The following CCDC178 variants were observed in gnomAD, a reference collection of about 807,000 sequenced individuals.
CCDC178 encodes the protein coiled-coil domain containing 178.
Under a neutral mutation model 117.4 loss-of-function variants are expected in CCDC178, and 126 were observed. The ratio of observed to expected loss-of-function variants is 1.07; its 90% CI spans 0.93 to 1.24. The LOEUF is 1.24. Ranked by LOEUF, CCDC178 falls within the 50% of genes most tolerant of loss-of-function variation. CCDC178 has a pLI of 0.00. For synonymous variants in CCDC178, 283 were observed against 313.4 expected, an observed-to-expected ratio of 0.90 and a Z score of 1.02; for missense variants, 1,030 against 986.9, an observed-to-expected ratio of 1.04 and a Z score of -0.59.
At chr18:33,291,249 C>G (rs1256052549) in intron 12 of CCDC178, among the ~76,000 whole-genome samples, 1 of 152,018 alleles carries the variant, frequency 6.6e-6, no homozygotes, top group African/African-American at 2.4e-5. Flanking sequence ...CTACATTAAA[C>G]TGAAACGTCT....
intron 21 of CCDC178, among the ~76,000 whole-genome samples, chr18:32,978,121 T>C (rs946395953): frequency 6.6e-6 from 1 of 151,520 alleles, no homozygotes; most frequent in Non-Finnish European, 1.5e-5. Flanking sequence ...CTTGAATTTA[T>C]CCATATTCAC....
At chr18:33,323,869 A>G (rs2145011585) in intron 10 of CCDC178, among the ~76,000 whole-genome samples, 1 of 151,886 alleles carries the variant, frequency 6.6e-6, no homozygotes, top group Non-Finnish European at 1.5e-5. Flanking sequence ...CCAAAATGAA[A>G]TCATTATCTC....
At chr18:32,954,932 T>C (rs370679416) in intron 22 of CCDC178, among the ~76,000 whole-genome samples, 5 of 151,974 alleles carry the variant, frequency 3.3e-5, no homozygotes, top group Non-Finnish European at 5.9e-5. Context: ...AAAAAAAAAG[T>C]CTTGTCACTC....
chr18:33,250,690 A>G (rs1229955575), intron 14 of CCDC178, among the ~76,000 whole-genome samples: 1 of 151,722 alleles, frequency 6.6e-6, no homozygotes, highest in East Asian at 1.9e-4. Flanking sequence ...TCAGACTCCT[A>G]TCGGAACATC....
intron 5 of CCDC178, among the ~76,000 whole-genome samples, chr18:33,379,261 G>T (rs569937146): frequency 1.6e-4 from 24 of 147,396 alleles, no homozygotes; most frequent in Middle Eastern, 3.3e-3. Flanking sequence ...CTAGGAGTGT[G>T]ATTGTAGAGA....
chr18:33,411,165 T>A (rs559740306), intron 3 of CCDC178, among the ~76,000 whole-genome samples: 7 of 152,248 alleles, frequency 4.6e-5, no homozygotes, highest in African/African-American at 1.7e-4. Flanking sequence ...GCACCTGCAT[T>A]TTTATGGTTG....
In CCDC178 at chr18:33,226,856, CTA is replaced by C; in HGVS notation, c.1594-3_1594-2del. 1 of 1,541,424 alleles carries C rather than the reference CTA, an allele frequency of 6.5e-7. No homozygotes were observed. The highest frequency in any genetic ancestry group is 8.8e-7 in the Non-Finnish European group (1 of 1,139,426). ...GTTTTTTCAGGAATTCTTCTCTACC[CTA>C]TATGTTAGGAAATTTTTAAAATGAG... On this transcript the variant is annotated splice_acceptor_variant and splice_polypyrimidine_tract_variant and intron_variant, in intron 15 of 22. Transcript: ENST00000383096. LOFTEE classifies it high-confidence loss of function.
At chr18:33,226,879 A>G (rs753783178) in intron 15 of CCDC178, 24 bp from the exon 16 acceptor site, 12 of 1,371,890 alleles carry the variant, frequency 8.7e-6, no homozygotes, top group South Asian at 1.4e-5. Flanking sequence ...AATTTTTAAA[A>G]TGAGGATTTT....
chr18:33,130,608 C>T (rs1441191631), intron 20 of CCDC178, among the ~76,000 whole-genome samples: 1 of 151,880 alleles, frequency 6.6e-6, no homozygotes, highest in African/African-American at 2.4e-5. Context: ...GCAGTGCTGC[C>T]CCAGGGGGCA....
intron 22 of CCDC178, among the ~76,000 whole-genome samples, chr18:32,956,452 A>G (rs1161991354): frequency 6.6e-6 from 1 of 152,204 alleles, no homozygotes; most frequent in African/African-American, 2.4e-5. Context: ...TAAGTTAAAA[A>G]CATACGAAAT....
intron 22 of CCDC178, among the ~76,000 whole-genome samples, chr18:32,973,699 G>T (rs1294808743): frequency 5.9e-5 from 9 of 152,060 alleles, no homozygotes; most frequent in Non-Finnish European, 1.3e-4. Context: ...AAAGTAATAT[G>T]AAGTGCGTGT....
intron 22 of CCDC178, among the ~76,000 whole-genome samples, chr18:32,969,605 T>C (rs1363934592): frequency 1.3e-5 from 2 of 152,020 alleles, no homozygotes; most frequent in African/African-American, 4.8e-5. Context: ...ACATTCCAAC[T>C]TTTTAAATAT....
chr18:33,132,767 C>A (rs2058081043), intron 20 of CCDC178, among the ~76,000 whole-genome samples: 1 of 151,556 alleles, frequency 6.6e-6, no homozygotes, highest in African/African-American at 2.4e-5. Flanking sequence ...AATAAATCTA[C>A]AAATAGTATG....
chr18:33,016,512 T>C (rs2055993817), intron 21 of CCDC178, among the ~76,000 whole-genome samples: 1 of 152,050 alleles, frequency 6.6e-6, no homozygotes, highest in Non-Finnish European at 1.5e-5. Context: ...TTGGTAACTC[T>C]TTTCTTCTTT....
chr18:33,179,110 A>AT lies in CCDC178; in HGVS notation c.2238+32785_2238+32786insA, dbSNP rs1568037073. 6.0e-5 allele frequency among the ~76,000 whole-genome samples: 6 copies of AT among 100,200 alleles called. 1 individual carries two copies. The highest frequency in any genetic ancestry group is 3.1e-4 in the African/African-American group (6 of 19,408). 65.7% of individuals were successfully genotyped at this position (100,200 alleles called of 152,430 possible). ...ATATATATATATATATATATATATA[A>AT]ACTATATATATATATATAAACTATA... is the stretch of plus-strand genomic sequence containing the variant. On this transcript the variant is annotated intron_variant, in intron 20 of 22. Coordinates refer to ENST00000383096, the MANE Select transcript of CCDC178 (RefSeq NM_001105528.4).
intron 21 of CCDC178, among the ~76,000 whole-genome samples, chr18:33,046,572 C>A (rs2056646627): frequency 6.6e-6 from 1 of 151,770 alleles, no homozygotes; most frequent in African/African-American, 2.4e-5. Context: ...TCCTACTTAA[C>A]ATTTAAAATG....
At chr18:33,018,154 T>C (rs925535154) in intron 21 of CCDC178, among the ~76,000 whole-genome samples, 11 of 152,160 alleles carry the variant, frequency 7.2e-5, no homozygotes, top group Non-Finnish European at 1.0e-4. Flanking sequence ...AAAGAAGATA[T>C]ATAAATGACT....
intron 3 of CCDC178, among the ~76,000 whole-genome samples, chr18:33,411,113 C>T (rs975328812): frequency 6.6e-6 from 1 of 152,188 alleles, no homozygotes; most frequent in Non-Finnish European, 1.5e-5. Context: ...CCAGCCGACT[C>T]ATGCACAAGT....
At chr18:33,379,147 T>TA (rs1370948945) in intron 5 of CCDC178, among the ~76,000 whole-genome samples, 3 of 143,412 alleles carry the variant, frequency 2.1e-5, no homozygotes, top group African/African-American at 5.1e-5. Flanking sequence ...TCCATATATA[T>TA]ATAATATATA....
Sources: allele counts gnomAD v4.1 joint callset (sites outside exome capture counted in the v4.1 genomes callset), GRCh38; gene constraint gnomAD v4.1.1; transcripts MANE v1.5; gene names NCBI Gene and HGNC (gene_info 2026-07-23, HGNC 2026-07-21).